The following TRPM3 variants were observed in gnomAD, a reference collection of about 807,000 sequenced individuals.
TRPM3 encodes the protein transient receptor potential cation channel subfamily M member 3, also known as long transient receptor potential channel 3.
A neutral mutation model predicts 181.2 loss-of-function variants in TRPM3; 77 were observed. The ratio of observed to expected loss-of-function variants is 0.42; its 90% CI spans 0.35 to 0.51. The LOEUF is 0.51. Among genes scored for constraint, TRPM3 ranks in the 20% least tolerant of loss-of-function variants. The pLI is 0.01. For missense variants in TRPM3, 1,759 were observed against 2,196.7 expected, an observed-to-expected ratio of 0.80 and a Z score of 3.98; for synonymous variants, 745 against 796.4, an observed-to-expected ratio of 0.94 and a Z score of 1.09.
chr9:70,668,710 C>T (rs1455910117), intron 9 of TRPM3, among the ~76,000 whole-genome samples: 1 of 133,498 alleles, frequency 7.5e-6, no homozygotes, highest in African/African-American at 2.8e-5. Context: ...AACATAGTAA[C>T]TTCTATATTA....
At position 70,537,263 on chromosome 9, in the gene TRPM3, C is replaced by T. The variant is rs566792848; in HGVS notation, c.3850G>A (p.Gly1284Ser). The change falls in exon 26 of 26, where the codon GGT becomes AGT. Residue 1284 changes from glycine (G) to serine (S), a missense_variant. Coordinates refer to ENST00000677713, the MANE Select transcript of TRPM3 (RefSeq NM_001366145.2). ...RMATALERLT[G>S]LERAESNKIR... ...TTGTTGGACTCGGCCCGCTCCAGAC[C>T]TGTCAGGCGCTCCAGGGCCGTGGCC... 1.3e-6 allele frequency: 2 copies of T among 1,588,536 alleles called. No individual in the cohort carries two copies. Among genetic ancestry groups the T allele is most frequent in the African/African-American group, 1.3e-5 (1 of 74,356 alleles).
chr9:71,295,082 C>T (rs1211595030), intron 1 of TRPM3, among the ~76,000 whole-genome samples: 1 of 152,020 alleles, frequency 6.6e-6, no homozygotes, highest in African/African-American at 2.4e-5. Context: ...TTATTTAATG[C>T]TATTCTTTAT....
At chr9:70,540,609 A>C (rs918360322) in intron 25 of TRPM3, among the ~76,000 whole-genome samples, 6 of 152,260 alleles carry the variant, frequency 3.9e-5, no homozygotes, top group African/African-American at 1.4e-4. Flanking sequence ...CTGAGGTGGA[A>C]GGATGGCTTG....
chr9:71,356,291 C>T (rs117824798), intron 1 of TRPM3, among the ~76,000 whole-genome samples: 2 of 152,068 alleles, frequency 1.3e-5, no homozygotes, highest in Non-Finnish European at 2.9e-5. Flanking sequence ...ATTTCATCAT[C>T]CTGGTGTTAA....
Position 71,060,998 on chromosome 9 carries a change from C to A in TRPM3, c.177+60180G>T, listed in dbSNP as rs533233348. 3.7e-3 allele frequency among the ~76,000 whole-genome samples: 570 copies of A among 152,140 alleles called. 3 individuals are homozygous for A. The highest frequency in any genetic ancestry group is 0.013 in the African/African-American group (524 of 41,532). ...CTCTGAAATTAAGAAAAAAGTGGGT[C>A]TTTATATCATCTGGGTCTTTATCCC... On this transcript the variant is annotated intron_variant, in intron 1 of 25. Coordinates refer to ENST00000677713, the MANE Select transcript of TRPM3 (RefSeq NM_001366145.2).
At chr9:70,666,806 G>A (rs1486560424) in intron 9 of TRPM3, among the ~76,000 whole-genome samples, 1 of 151,362 alleles carries the variant, frequency 6.6e-6, no homozygotes, top group Non-Finnish European at 1.5e-5. Context: ...ACATTTTCTG[G>A]AATTATTGCA....
intron 1 of TRPM3, among the ~76,000 whole-genome samples, chr9:71,127,079 A>G (rs573041037): frequency 0.01 from 1,538 of 152,166 alleles, 14 homozygotes; most frequent in Non-Finnish European, 0.016. Context: ...AACAAAAACA[A>G]AAACTCTCTT....
chr9:70,751,119 TA>T (rs2076066990), intron 8 of TRPM3, among the ~76,000 whole-genome samples: 2 of 152,010 alleles, frequency 1.3e-5, no homozygotes, highest in South Asian at 4.2e-4. Context: ...AATTTACCAC[TA>T]AAAATAGAGC....
chr9:71,244,596 T>A (rs1481278489), intron 1 of TRPM3, among the ~76,000 whole-genome samples: 1 of 152,178 alleles, frequency 6.6e-6, no homozygotes, highest in African/African-American at 2.4e-5. Context: ...ACATTGGACA[T>A]TAGAAAGCTG....
intron 1 of TRPM3, among the ~76,000 whole-genome samples, chr9:71,221,301 C>G (rs893933729): frequency 2.6e-5 from 4 of 152,118 alleles, no homozygotes; most frequent in Non-Finnish European, 5.9e-5. Context: ...GTTTGCCGAC[C>G]CTCATCCTAC....
chr9:70,619,495 C>A (rs11142510), intron 16 of TRPM3, among the ~76,000 whole-genome samples: 14,746 of 146,428 alleles, frequency 0.1, 962 homozygotes, highest in African/African-American at 0.18. Flanking sequence ...CTCACTGCAG[C>A]CTTGACCCCC....
At chr9:70,577,122 T>C in intron 22 of TRPM3, among the ~76,000 whole-genome samples, 1 of 152,222 alleles carries the variant, frequency 6.6e-6, no homozygotes, top group East Asian at 1.9e-4. Flanking sequence ...TGCTGTTTAT[T>C]TGTTGACTTA....
intron 1 of TRPM3, among the ~76,000 whole-genome samples, chr9:71,045,653 T>C (rs995298567): frequency 2.0e-4 from 30 of 152,280 alleles, no homozygotes; most frequent in African/African-American, 6.0e-4. Context: ...AATTTTTGAC[T>C]GGGAGAAAGA....
At chr9:70,603,050 G>C (rs1358077837) in intron 20 of TRPM3, among the ~76,000 whole-genome samples, 3 of 152,184 alleles carry the variant, frequency 2.0e-5, no homozygotes, top group African/African-American at 7.2e-5. Context: ...AATCTAGAAA[G>C]TCATGTTTAT....
intron 9 of TRPM3, among the ~76,000 whole-genome samples, chr9:70,666,620 G>T (rs1369127109): frequency 6.6e-6 from 1 of 152,132 alleles, no homozygotes; most frequent in South Asian, 2.1e-4. Flanking sequence ...AAGCATTCTA[G>T]CTCCTAGTTC....
intron 3 of TRPM3, among the ~76,000 whole-genome samples, chr9:70,855,583 T>C (rs537362518): frequency 9.8e-5 from 15 of 152,340 alleles, no homozygotes; most frequent in African/African-American, 3.6e-4. Flanking sequence ...TTCTGAAAAA[T>C]GGAACTATCA....
chr9:71,266,725 C>G (rs1464392416), intron 1 of TRPM3, among the ~76,000 whole-genome samples: 1 of 152,162 alleles, frequency 6.6e-6, no homozygotes, highest in Non-Finnish European at 1.5e-5. Context: ...GCTTATCCAT[C>G]TGGCTTAACT....
intron 6 of TRPM3, among the ~76,000 whole-genome samples, chr9:70,791,015 A>C (rs1037582367): frequency 1.3e-5 from 2 of 152,206 alleles, no homozygotes; most frequent in African/African-American, 2.4e-5. Flanking sequence ...ATCTCATTTT[A>C]ACTAGAATGT....
intron 1 of TRPM3, among the ~76,000 whole-genome samples, chr9:70,880,423 A>G (rs1326691761): frequency 6.6e-6 from 1 of 152,138 alleles, no homozygotes; most frequent in Non-Finnish European, 1.5e-5. Context: ...GGAAAAGTTC[A>G]GACTTTTATT....
Sources: allele counts gnomAD v4.1 joint callset (sites outside exome capture counted in the v4.1 genomes callset), GRCh38; gene constraint gnomAD v4.1.1; transcripts MANE v1.5; gene names NCBI Gene and HGNC (gene_info 2026-07-23, HGNC 2026-07-21).